EXO5: variants seen among roughly 807,000 people sequenced by gnomAD.
The protein encoded by EXO5 is exonuclease V.
A neutral mutation model predicts 17.8 loss-of-function variants in EXO5; 11 were observed. That is an observed-to-expected ratio of 0.62 (90% CI 0.39 to 1.02). The LOEUF (loss-of-function observed/expected upper bound fraction) is 1.02, where lower values mean the gene tolerates loss of function less well. Ranked by LOEUF, EXO5 falls within the 50% of genes least tolerant of loss-of-function variation. The pLI is 0.00. For missense variants in EXO5, 364 were observed against 434.8 expected (o/e 0.84, Z 1.45); for synonymous variants, 147 against 166.5 (o/e 0.88, Z 0.90).
intron 1 of EXO5, 119 bp downstream of exon 1, chr1:40,509,027 C>G (rs1396906974): frequency 2.0e-5 from 3 of 152,404 alleles, no homozygotes; most frequent in East Asian, 3.9e-4. Context: ...CGGCTCGTCT[C>G]GTCTCCCCTC....
intron 3 of EXO5, among the ~76,000 whole-genome samples, chr1:40,510,535 G>C (rs942198761): frequency 4.6e-5 from 7 of 152,166 alleles, no homozygotes; most frequent in Admixed American, 2.6e-4. Context: ...TCACTTCCCT[G>C]TTTAGAACTA....
In EXO5 at chr1:40,514,971, T is replaced by G; in HGVS notation, c.427T>G (p.Trp143Gly). Residue 143 changes from tryptophan to glycine, a missense_variant, in exon 4 of 4, where the codon TGG becomes GGG. Trp to Gly is a radical substitution (Grantham distance 184, BLOSUM62 -2). Transcript: ENST00000415550. ...TVPVTTKEDA[W>G]AIKFLNILLL... Reference sequence around the variant, plus strand: ...CCCAGTCACCACTAAAGAAGATGCTTGGGCAATTAAGTTTCTGAACATACT... The same window carrying G: ...CCCAGTCACCACTAAAGAAGATGCTGGGGCAATTAAGTTTCTGAACATACT... 1 of 1,614,128 alleles carries G rather than the reference T, an allele frequency of 6.2e-7. No homozygotes were observed. Among genetic ancestry groups the G allele is most frequent in the South Asian group, 1.1e-5 (1 of 91,072 alleles).
At chr1:40,513,848 CA>C (rs928640235) in intron 3 of EXO5, among the ~76,000 whole-genome samples, 31 of 152,022 alleles carry the variant, frequency 2.0e-4, no homozygotes, top group African/African-American at 7.5e-4. Flanking sequence ...CTCAGCCTCC[CA>C]AAGTGCTGCG....
At position 40,514,932 on chromosome 1, in the gene EXO5, G is replaced by C; in HGVS notation, c.388G>C (p.Asp130His). The C allele has an allele frequency of 1.9e-6, 3 of 1,614,126 alleles. No individual in the cohort carries two copies. The highest frequency in any genetic ancestry group is 1.6e-4 in the Middle Eastern group (1 of 6,062). Residue 130 changes from aspartate to histidine, a missense_variant, in exon 4 of 4, where the codon GAT becomes CAT. Asp to His is a moderately conservative substitution (Grantham distance 81, BLOSUM62 -1). Transcript: ENST00000415550. The stretch of plus-strand genomic sequence containing the variant: ...CCTAGCTAGAGAACTAGAACTTCAT[G>C]ATCTTGTGACTGTCCCAGTCACCAC... ...IHLARELELHDLVTVPVTTKE... is the reference protein window; with the variant it reads ...IHLARELELHHLVTVPVTTKE...
rs199871553 is a variant in EXO5, at chr1:40,515,584, C to T, written c.1040C>T (p.Thr347Ile). ...GAGGCTTGGAAGTGCCGGACGTGTA[C>T]CTATGCAGACATTTGTGAGTGGAGA... is the stretch of plus-strand genomic sequence containing the variant. ...VEEAWKCRTC[T>I]YADICEWRKG... Residue 347 changes from threonine to isoleucine, a missense_variant, in exon 4 of 4, where the codon ACC becomes ATC. By Grantham distance (89) the Thr-to-Ile change is moderately conservative. Transcript: ENST00000415550. 8.7e-6 allele frequency: 14 copies of T among 1,612,190 alleles called. No homozygotes were observed. The highest frequency in any genetic ancestry group is 2.2e-5 in the East Asian group (1 of 44,762).
At chr1:40,511,877 CTTTTTTCT>C (rs1015573994) in intron 3 of EXO5, among the ~76,000 whole-genome samples, 5 of 136,512 alleles carry the variant, frequency 3.7e-5, no homozygotes, top group African/African-American at 1.2e-4. Context: ...TTTCTTTTTT[CTTTTTTCT>C]TTTTTTTTTT....
intron 1 of EXO5, 165 bp from the exon 2 acceptor site, chr1:40,509,286 T>G (rs1054233044): frequency 1.3e-5 from 2 of 152,250 alleles, no homozygotes; most frequent in Non-Finnish European, 2.9e-5. Flanking sequence ...CAAGTCAGGA[T>G]GTTGCCATCG....
In EXO5 at chr1:40,515,391, G is replaced by C; in HGVS notation, c.847G>C (p.Asp283His). The C allele has an allele frequency of 6.2e-7, 1 of 1,614,052 alleles. No individual in the cohort carries two copies. Among genetic ancestry groups the C allele is most frequent in the East Asian group, 2.2e-5 (1 of 44,866 alleles). The change falls in exon 4 of 4, where the codon GAC becomes CAC. Residue 283 changes from aspartate (D) to histidine (H), a missense_variant. Asp to His is a moderately conservative substitution (Grantham distance 81, BLOSUM62 -1). Coordinates refer to ENST00000415550, the MANE Select transcript of EXO5 (RefSeq NM_001346953.2). ...ELVFLSLTLSDLPVIDILKIE... is the reference protein window; with the variant it reads ...ELVFLSLTLSHLPVIDILKIE... ...TGTCTTCTTGTCTCTAACACTGTCA[G>C]ACCTCCCAGTTATTGATATCTTGAA...
chr1:40,515,454 G>C lies in EXO5; in HGVS notation c.910G>C (p.Gly304Arg), dbSNP rs760451419. The part of the protein sequence containing the change: ...YIHQETATVL[G>R]TEIVAFKEKE... ...CCACCAAGAGACTGCCACTGTGCTG[G>C]GTACTGAGATTGTAGCCTTCAAAGA... Residue 304 changes from glycine (G) to arginine (R), a missense_variant, in exon 4 of 4, where the codon GGT becomes CGT. By Grantham distance (125) the Gly-to-Arg change is moderately radical (BLOSUM62 -2). Coordinates refer to ENST00000415550, the MANE Select transcript of EXO5 (RefSeq NM_001346953.2). 6.2e-7 allele frequency: 1 copy of C among 1,613,964 alleles called. No homozygotes were observed. Among genetic ancestry groups the C allele is most frequent in the African/African-American group, 1.3e-5 (1 of 74,972 alleles).
chr1:40,512,080 T>C (rs1298659915), intron 3 of EXO5, among the ~76,000 whole-genome samples: 1 of 152,182 alleles, frequency 6.6e-6, no homozygotes, highest in African/African-American at 2.4e-5. Flanking sequence ...GGTTTCACCG[T>C]GTTAGTCAGG....
intron 1 of EXO5, chr1:40,509,176 C>T (rs1404093604): frequency 6.6e-6 from 1 of 152,258 alleles, no homozygotes; most frequent in Non-Finnish European, 1.5e-5. Context: ...CACTTTAGGG[C>T]ATGCATGGCA....
chr1:40,510,375 G>A (rs1645751361), intron 3 of EXO5, among the ~76,000 whole-genome samples: 1 of 152,192 alleles, frequency 6.6e-6, no homozygotes, highest in Non-Finnish European at 1.5e-5. Flanking sequence ...ACAATGCACT[G>A]CATTATGCTC....
Position 40,515,373 on chromosome 1 carries a change from T to C in EXO5, c.829T>C (p.Leu277=). The part of the protein sequence containing the change: ...SLGDLMELVF[L]SLTLSDLPVI... ...GGGTGACCTCATGGAACTTGTCTTC[T>C]TGTCTCTAACACTGTCAGACCTCCC... The change falls in exon 4 of 4, where the codon TTG becomes CTG. Residue 277 remains leucine, a synonymous_variant. Transcript: ENST00000415550. 6.2e-7 allele frequency: 1 copy of C among 1,614,060 alleles called. No homozygotes were observed. The highest frequency in any genetic ancestry group is 8.5e-7 in the Non-Finnish European group (1 of 1,180,004).
At chr1:40,513,097 T>C (rs571236914) in intron 3 of EXO5, among the ~76,000 whole-genome samples, 204 of 152,314 alleles carry the variant, frequency 1.3e-3, no homozygotes, top group Non-Finnish European at 2.2e-3. Context: ...AATAATGCTG[T>C]AATAGGCAGA....
chr1:40,515,293 T>A lies in EXO5; in HGVS notation c.749T>A (p.Leu250Gln). The part of the protein sequence containing the change: ...HHTKLCLEKP[L>Q]GPSVLRHAQQ... Reference sequence around the variant, plus strand: ...ACAAAGTTGTGTCTAGAAAAGCCACTGGGGCCATCAGTGCTGAGGCATGCC... The same window carrying A: ...ACAAAGTTGTGTCTAGAAAAGCCACAGGGGCCATCAGTGCTGAGGCATGCC... Residue 250 changes from leucine to glutamine, a missense_variant, in exon 4 of 4, where the codon CTG becomes CAG. Coordinates refer to ENST00000415550, the MANE Select transcript of EXO5 (RefSeq NM_001346953.2). 9 of 1,614,114 alleles carry A rather than the reference T, an allele frequency of 5.6e-6. No individual in the cohort carries two copies. Among genetic ancestry groups the A allele is most frequent in the Non-Finnish European group, 6.8e-6 (8 of 1,180,010 alleles).
rs749060437 is a variant in EXO5 at position 40,514,505 on chromosome 1, T to C, written c.-30-10T>C. ...ATTTGAACAATGCATTTCTTTAACATGTTATGCAGGGCCCTTCTAGCCCAA... is the reference window on the plus strand; with the variant it reads ...ATTTGAACAATGCATTTCTTTAACACGTTATGCAGGGCCCTTCTAGCCCAA... On this transcript the variant is annotated splice_polypyrimidine_tract_variant and intron_variant, in intron 3 of 3. Coordinates refer to ENST00000415550, the MANE Select transcript of EXO5 (RefSeq NM_001346953.2). The C allele has an allele frequency of 2.0e-6, 3 of 1,532,904 alleles. No homozygotes were observed. In the Admixed American group the frequency reaches 6.7e-5, roughly 34 times the overall value. 95.0% of individuals were successfully genotyped at this position (1,532,904 alleles called of 1,614,324 possible). A position where few individuals can be genotyped will look rare whatever the true frequency, so the allele number is the denominator to read the frequency against.
At position 40,515,623 on chromosome 1, in the gene EXO5, T is replaced by A. The variant is rs758912153; in HGVS notation, c.1079T>A (p.Val360Glu). Residue 360 changes from valine (V) to glutamate (E), a missense_variant, in exon 4 of 4, where the codon GTG becomes GAG. Transcript: ENST00000415550. ...DICEWRKGSG[V>E]LSSTLAPQVK... ...TGTGAGTGGAGAAAGGGCAGTGGAG[T>A]GCTCAGCTCTACACTGGCGCCCCAA... The A allele has an allele frequency of 1.2e-6, 2 of 1,611,630 alleles. No individual in the cohort carries two copies. Among genetic ancestry groups the A allele is most frequent in the East Asian group, 4.5e-5 (2 of 44,728 alleles).
In EXO5 at chr1:40,515,511, A is replaced by G. The variant is rs145178039; in HGVS notation, c.967A>G (p.Met323Val). Residue 323 changes from methionine to valine, a missense_variant, in exon 4 of 4, where the codon ATG becomes GTG. Transcript: ENST00000415550. ...KEVRAKVQHYMAYWMGHREPQ... is the reference protein window; with the variant it reads ...KEVRAKVQHYVAYWMGHREPQ... ...GGTGAGAGCCAAGGTGCAGCATTAT[A>G]TGGCCTACTGGATGGGCCACCGAGA... is the stretch of plus-strand genomic sequence containing the variant. 427 of 1,610,650 alleles carry G rather than the reference A, an allele frequency of 2.7e-4. No individual in the cohort carries two copies. The highest frequency in any genetic ancestry group is 3.2e-4 in the Non-Finnish European group (379 of 1,178,770).
At chr1:40,513,088 A>G (rs1645810732) in intron 3 of EXO5, among the ~76,000 whole-genome samples, 2 of 152,200 alleles carry the variant, frequency 1.3e-5, no homozygotes, top group African/African-American at 4.8e-5. Context: ...TGAGTTTTTA[A>G]TAATGCTGTA....
Sources: gnomAD v4.1 joint callset for allele counts (sites outside exome capture counted in the v4.1 genomes callset) on GRCh38, gnomAD v4.1.1 for gene constraint, MANE v1.5 for transcripts, NCBI Gene and HGNC (gene_info 2026-07-23, HGNC 2026-07-21) for gene names.